CRPPA: variants seen among roughly 807,000 people sequenced by gnomAD.
CRPPA encodes CDP-L-ribitol pyrophosphorylase A.
CRPPA carries 43 observed loss-of-function variants against 52.0 expected under a neutral mutation model. The ratio of observed to expected loss-of-function variants is 0.83; its 90% CI spans 0.65 to 1.07. The LOEUF (loss-of-function observed/expected upper bound fraction) is 1.07, where lower values mean the gene tolerates loss of function less well. CRPPA is among the 50% of genes least tolerant of loss of function. The pLI is 0.00. For missense variants in CRPPA, 629 were observed against 551.7 expected (o/e 1.14, Z -1.40); for synonymous variants, 250 against 203.5 (o/e 1.23, Z -1.94).
chr7:16,376,234 C>G lies in CRPPA; in HGVS notation c.542G>C (p.Gly181Ala). The part of the protein sequence containing the change: ...VTAAKEHGAA[G>A]AIRPLVSTVV... ...AGTAGATACAAGAGGTCGAATGGCT[C>G]CTGCTGCCTGAAGAACAAAGAGGCA... The change falls in exon 3 of 10, where the codon GGA becomes GCA. Residue 181 changes from glycine (G) to alanine (A), a missense_variant. Physicochemically the swap from Gly to Ala is moderately conservative, Grantham distance 60. Transcript: ENST00000407010. 1.3e-6 allele frequency: 2 copies of G among 1,598,776 alleles called. No individual in the cohort carries two copies. Among genetic ancestry groups the G allele is most frequent in the Non-Finnish European group, 1.7e-6 (2 of 1,174,194 alleles).
intron 2 of CRPPA, among the ~76,000 whole-genome samples, chr7:16,387,695 A>G (rs796693019): frequency 1.1e-3 from 171 of 152,352 alleles, no homozygotes; most frequent in African/African-American, 3.9e-3. Context: ...CAATCCAACA[A>G]TATTTGGAAA....
intron 6 of CRPPA, among the ~76,000 whole-genome samples, chr7:16,260,646 C>G (rs918613853): frequency 6.6e-6 from 1 of 151,766 alleles, no homozygotes; most frequent in Non-Finnish European, 1.5e-5. Flanking sequence ...AAGTTTCTGA[C>G]TTCACAGATA....
chr7:16,382,992 C>T (rs925360131), intron 2 of CRPPA, among the ~76,000 whole-genome samples: 2 of 152,234 alleles, frequency 1.3e-5, no homozygotes, highest in South Asian at 2.1e-4. Context: ...TCTCTCAACT[C>T]GTCAAAGTCA....
rs1405621600 is a variant in CRPPA at position 16,368,949 on chromosome 7, T to C, written c.684+7143A>G. Among the ~76,000 whole-genome samples, 5 of 152,316 alleles carry C rather than the reference T, an allele frequency of 3.3e-5. No individual in the cohort carries two copies. In the East Asian group the frequency reaches 9.7e-4, roughly 29 times the overall value. The stretch of plus-strand genomic sequence containing the variant: ...AATCTGTTTATATAACTGGCATTAG[T>C]GTTAACATATAAAATATGTGTCTAC... On this transcript the variant is annotated intron_variant, in intron 3 of 9. Transcript: ENST00000407010.
At chr7:16,134,985 A>C (rs1583380538) in intron 9 of CRPPA, among the ~76,000 whole-genome samples, 1 of 152,340 alleles carries the variant, frequency 6.6e-6, no homozygotes. Context: ...GGATTTTTGT[A>C]TCATGTTTCC....
intron 2 of CRPPA, among the ~76,000 whole-genome samples, chr7:16,387,822 C>G (rs1416379088): frequency 6.6e-6 from 1 of 152,106 alleles, no homozygotes; most frequent in African/African-American, 2.4e-5. Flanking sequence ...ACATACCACC[C>G]AACAACAGCA....
chr7:16,095,781 CT>C (rs1197793292), intron 9 of CRPPA, among the ~76,000 whole-genome samples: 1 of 152,168 alleles, frequency 6.6e-6, no homozygotes, highest in Non-Finnish European at 1.5e-5. Flanking sequence ...GCTTGTATTT[CT>C]GCAGGCAGCA....
intron 4 of CRPPA, among the ~76,000 whole-genome samples, chr7:16,305,571 C>T (rs568490834): frequency 1.3e-5 from 2 of 152,110 alleles, no homozygotes; most frequent in South Asian, 2.1e-4. Context: ...CTTCAAACAA[C>T]AGAAATTTGG....
chr7:16,105,953 T>G (rs569727985), intron 9 of CRPPA, among the ~76,000 whole-genome samples: 1 of 152,216 alleles, frequency 6.6e-6, no homozygotes, highest in South Asian at 2.1e-4. Context: ...CTACACCAGT[T>G]TGACCCAGAA....
At chr7:16,257,553 C>T (rs182128428) in intron 8 of CRPPA, among the ~76,000 whole-genome samples, 214 of 152,188 alleles carry the variant, frequency 1.4e-3, no homozygotes, top group African/African-American at 4.7e-3. Context: ...TTTGTTACTA[C>T]TTGCATTACT....
At chr7:16,099,715 T>C (rs1782005511) in intron 9 of CRPPA, among the ~76,000 whole-genome samples, 1 of 152,228 alleles carries the variant, frequency 6.6e-6, no homozygotes, top group Non-Finnish European at 1.5e-5. Context: ...AGTTCATTAT[T>C]GCATCCAATA....
chr7:16,269,762 T>A (rs1199379726), intron 6 of CRPPA: 1 of 152,130 alleles, frequency 6.6e-6, no homozygotes. Flanking sequence ...AACAACAGAA[T>A]AACCTACTCT....
chr7:16,269,017 C>G (rs1784025656), intron 6 of CRPPA: 1 of 152,154 alleles, frequency 6.6e-6, no homozygotes, highest in African/African-American at 2.4e-5. Context: ...GTTTTAAACT[C>G]TTCTCAACTG....
chr7:16,212,754 T>C (rs1782184619), intron 9 of CRPPA, among the ~76,000 whole-genome samples: 1 of 152,206 alleles, frequency 6.6e-6, no homozygotes, highest in South Asian at 2.1e-4. Flanking sequence ...TTCTGACATC[T>C]GCATTTTACA....
At chr7:16,173,841 C>T (rs1486448545) in intron 9 of CRPPA, among the ~76,000 whole-genome samples, 2 of 152,070 alleles carry the variant, frequency 1.3e-5, no homozygotes, top group African/African-American at 2.4e-5. Context: ...TTAAACTGTG[C>T]TTGTATATTT....
chr7:16,399,709 A>G (rs1010181951), intron 2 of CRPPA, among the ~76,000 whole-genome samples: 11 of 151,328 alleles, frequency 7.3e-5, no homozygotes, highest in African/African-American at 2.4e-4. Context: ...CGTGACCAAC[A>G]TGACTGACAT....
At chr7:16,166,608 C>T (rs564163676) in intron 9 of CRPPA, among the ~76,000 whole-genome samples, 58 of 152,222 alleles carry the variant, frequency 3.8e-4, no homozygotes, top group African/African-American at 1.2e-3. Context: ...CAGGCTATAA[C>T]GGAAGCACAT....
intron 9 of CRPPA, among the ~76,000 whole-genome samples, chr7:16,151,894 T>C (rs142820569): frequency 1.7e-3 from 262 of 152,138 alleles, no homozygotes; most frequent in African/African-American, 5.8e-3. Flanking sequence ...GTGCAAATTA[T>C]ACACAATAAA....
At chr7:16,386,107 G>A (rs1787262483) in intron 2 of CRPPA, among the ~76,000 whole-genome samples, 1 of 152,120 alleles carries the variant, frequency 6.6e-6, no homozygotes, top group South Asian at 2.1e-4. Flanking sequence ...GGTGAATGTG[G>A]GGGTTTTACT....
Sources: gnomAD v4.1 joint callset for allele counts (sites outside exome capture counted in the v4.1 genomes callset) on GRCh38, gnomAD v4.1.1 for gene constraint, MANE v1.5 for transcripts, NCBI Gene and HGNC (gene_info 2026-07-23, HGNC 2026-07-21) for gene names.